The following PARPBP variants were observed in gnomAD, a reference collection of about 807,000 sequenced individuals.
PARPBP encodes the protein PARP1 binding protein.
A neutral mutation model predicts 50.0 loss-of-function variants in PARPBP; 52 were observed. The ratio of observed to expected loss-of-function variants is 1.04; its 90% CI spans 0.83 to 1.31. PARPBP has a LOEUF of 1.31. Among genes scored for constraint, PARPBP ranks in the 50% most tolerant of loss-of-function variants. The pLI, the probability that PARPBP is intolerant of heterozygous loss-of-function variation, is 0.00. For synonymous variants in PARPBP, 244 were observed against 232.1 expected, an observed-to-expected ratio of 1.05 and a Z score of -0.47; for missense variants, 697 against 672.0, an observed-to-expected ratio of 1.04 and a Z score of -0.41.
At chr12:102,182,690 C>T in intron 9 of PARPBP, 63 bp downstream of exon 9, 3 of 1,075,028 alleles carry the variant, frequency 2.8e-6, no homozygotes, top group Non-Finnish European at 4.3e-6. Context: ...GAAATAAATA[C>T]ATGAAGCTGA....
intron 2 of PARPBP, among the ~76,000 whole-genome samples, chr12:102,147,352 G>A (rs1370926633): frequency 4.6e-5 from 7 of 152,216 alleles, no homozygotes; most frequent in South Asian, 2.1e-4. Flanking sequence ...TTAAGAAAAT[G>A]TGGCACATAT....
At chr12:102,143,924 T>C (rs571637267) in intron 2 of PARPBP, among the ~76,000 whole-genome samples, 1 of 152,334 alleles carries the variant, frequency 6.6e-6, no homozygotes, top group South Asian at 2.1e-4. Flanking sequence ...GTAACTGTGA[T>C]CTAACAAGAA....
In PARPBP at chr12:102,148,426, T is replaced by G; in HGVS notation, c.350T>G (p.Leu117Trp). The G allele has an allele frequency of 1.3e-6, 2 of 1,512,210 alleles. No homozygotes were observed. The highest frequency in any genetic ancestry group is 1.8e-6 in the Non-Finnish European group (2 of 1,091,326). The allele number at this position is 1,512,210 out of a possible 1,614,324, so 93.7% of individuals were successfully genotyped here. A position where few individuals can be genotyped will look rare whatever the true frequency, so the allele number is the denominator to read the frequency against. Residue 117 changes from leucine to tryptophan, a missense_variant, in exon 3 of 11, where the codon TTG (leucine) becomes TGG (tryptophan). Physicochemically the swap from Leu to Trp is moderately conservative, Grantham distance 61 (BLOSUM62 -2). Coordinates refer to ENST00000327680, the MANE Select transcript of PARPBP (RefSeq NM_017915.5). Reference sequence around the variant, plus strand: ...GATGTTTATCAAAAATGTAGGGCTTTGACTTCTAATTGTGAAAATTATAAC... The same window carrying G: ...GATGTTTATCAAAAATGTAGGGCTTGGACTTCTAATTGTGAAAATTATAAC... ...LIDVYQKCRALTSNCENYNTV... is the reference protein window; with the variant it reads ...LIDVYQKCRAWTSNCENYNTV...
intron 2 of PARPBP, among the ~76,000 whole-genome samples, chr12:102,130,617 G>C (rs1489854864): frequency 6.6e-6 from 1 of 152,152 alleles, no homozygotes; most frequent in Admixed American, 6.5e-5. Flanking sequence ...ACTTTGGGAG[G>C]CTGAGGCAGG....
chr12:102,178,893 A>C, intron 8 of PARPBP, 123 bp downstream of exon 8: 1 of 585,090 alleles, frequency 1.7e-6, no homozygotes, highest in Non-Finnish European at 2.9e-6. Context: ...ATAAAAGTTA[A>C]TTAAAGGGAG....
intron 4 of PARPBP, among the ~76,000 whole-genome samples, chr12:102,160,130 T>A (rs1020925690): frequency 2.0e-5 from 3 of 152,208 alleles, no homozygotes; most frequent in Admixed American, 6.5e-5. Flanking sequence ...AAAACTCACT[T>A]GTAAATACAA....
intron 2 of PARPBP, among the ~76,000 whole-genome samples, chr12:102,125,405 G>A (rs1038502099): frequency 1.3e-5 from 2 of 152,108 alleles, no homozygotes; most frequent in African/African-American, 4.8e-5. Context: ...TTTGAAATAG[G>A]GTGGTCAGGG....
chr12:102,157,973 A>T (rs1489948411), intron 4 of PARPBP, among the ~76,000 whole-genome samples: 2 of 151,922 alleles, frequency 1.3e-5, no homozygotes, highest in Non-Finnish European at 2.9e-5. Flanking sequence ...ACAAAAAAGT[A>T]GCCAGGTGTA....
At chr12:102,127,516 C>T (rs1312911158) in intron 2 of PARPBP, among the ~76,000 whole-genome samples, 1 of 151,972 alleles carries the variant, frequency 6.6e-6, no homozygotes, top group Non-Finnish European at 1.5e-5. Context: ...AATGGTATTT[C>T]ATTTTATTTT....
chr12:102,130,013 C>T (rs1882601969), intron 2 of PARPBP, among the ~76,000 whole-genome samples: 2 of 152,104 alleles, frequency 1.3e-5, no homozygotes, highest in African/African-American at 4.8e-5. Context: ...CTACAGTAAC[C>T]AAAACAGCAT....
chr12:102,178,526 A>G (rs906025772), intron 7 of PARPBP, 66 bp from the exon 8 acceptor site: 19 of 986,726 alleles, frequency 1.9e-5, no homozygotes, highest in Non-Finnish European at 2.7e-5. Context: ...CAGGGAATTT[A>G]AAAGTATGGC....
chr12:102,162,145 A>G (rs11111185), intron 4 of PARPBP, among the ~76,000 whole-genome samples: 23,016 of 152,220 alleles, frequency 0.15, 1,840 homozygotes, highest in Non-Finnish European at 0.18. Context: ...CTTAACAACT[A>G]TCTAAGAGGC....
At chr12:102,182,392 T>C (rs1889910318) in intron 8 of PARPBP, among the ~76,000 whole-genome samples, 157 bp from the exon 9 acceptor site, 1 of 152,188 alleles carries the variant, frequency 6.6e-6, no homozygotes, top group Admixed American at 6.5e-5. Context: ...GACTTAATGG[T>C]ATTTTTAATT....
intron 6 of PARPBP, among the ~76,000 whole-genome samples, chr12:102,175,198 A>G (rs1056497258): frequency 2.0e-5 from 3 of 152,350 alleles, no homozygotes; most frequent in South Asian, 2.1e-4. Flanking sequence ...TTGCATGTGT[A>G]CAACCACTTC....
At chr12:102,139,012 C>G (rs2137967189) in intron 2 of PARPBP, among the ~76,000 whole-genome samples, 1 of 152,144 alleles carries the variant, frequency 6.6e-6, no homozygotes, top group East Asian at 1.9e-4. Flanking sequence ...TAGTTTTTTC[C>G]AATTCTGTGA....
At chr12:102,136,359 T>C (rs895326487) in intron 2 of PARPBP, among the ~76,000 whole-genome samples, 1 of 152,252 alleles carries the variant, frequency 6.6e-6, no homozygotes, top group African/African-American at 2.4e-5. Flanking sequence ...TTGGAGGCTG[T>C]TATTCTGGAA....
At chr12:102,177,801 T>C (rs1889424978) in intron 7 of PARPBP, among the ~76,000 whole-genome samples, 1 of 152,212 alleles carries the variant, frequency 6.6e-6, no homozygotes, top group Admixed American at 6.5e-5. Context: ...TGGCATGATA[T>C]ACAAAGTTTC....
Position 102,184,734 on chromosome 12 carries a change from A to G in PARPBP, c.1263+2107A>G, listed in dbSNP as rs943586308. On this transcript the variant is annotated intron_variant, in intron 9 of 10. Coordinates refer to ENST00000327680, the MANE Select transcript of PARPBP (RefSeq NM_017915.5). ...CTTATGTTTTTGCGATACTCTTTTT[A>G]AAAGTGAAGTATGAAAATGATTAGT... is the stretch of plus-strand genomic sequence containing the variant. Among the ~76,000 whole-genome samples the G allele has an allele frequency of 3.3e-5, 5 of 152,198 alleles. No individual in the cohort carries two copies. The East Asian group carries it at 9.6e-4, about 29-fold the overall frequency.
chr12:102,141,479 A>C (rs951199106), intron 2 of PARPBP, among the ~76,000 whole-genome samples: 2 of 152,142 alleles, frequency 1.3e-5, no homozygotes, highest in African/African-American at 4.8e-5. Flanking sequence ...CATTTAGCCC[A>C]TTTACATTTG....
Sources: allele counts gnomAD v4.1 joint callset (sites outside exome capture counted in the v4.1 genomes callset), GRCh38; gene constraint gnomAD v4.1.1; transcripts MANE v1.5; gene names NCBI Gene and HGNC (gene_info 2026-07-23, HGNC 2026-07-21).